Variants in ADAM22 observed in about 807,000 individuals in gnomAD.
ADAM22 encodes the protein disintegrin and metalloproteinase domain-containing protein 22.
Under a neutral mutation model 144.6 loss-of-function variants are expected in ADAM22, and 65 were observed. That is an observed-to-expected ratio of 0.45 (90% CI 0.37 to 0.55). The LOEUF is 0.55. Among genes scored for constraint, ADAM22 ranks in the 20% least tolerant of loss-of-function variants. The probability of loss-of-function intolerance (pLI) is 0.00; values close to 1 mark genes in which losing one functional copy is unlikely to be tolerated. For synonymous variants in ADAM22, 391 were observed against 412.6 expected (o/e 0.95, Z 0.63); for missense variants, 974 against 1,184.9 (o/e 0.82, Z 2.61).
intron 5 of ADAM22, among the ~76,000 whole-genome samples, chr7:88,110,289 G>A (rs1283081147): frequency 1.3e-5 from 2 of 152,148 alleles, no homozygotes; most frequent in Admixed American, 1.3e-4. Flanking sequence ...ATAGTACAGT[G>A]AGACCTGTTC....
At chr7:88,063,248 T>A (rs1400717846) in intron 3 of ADAM22, among the ~76,000 whole-genome samples, 1 of 152,140 alleles carries the variant, frequency 6.6e-6, no homozygotes, top group South Asian at 2.1e-4. Flanking sequence ...AGATAACTAC[T>A]GCATTTATGA....
chr7:88,124,555 T>G (rs1236083116), intron 7 of ADAM22, among the ~76,000 whole-genome samples: 1 of 151,968 alleles, frequency 6.6e-6, no homozygotes, highest in Non-Finnish European at 1.5e-5. Context: ...CTGGCAATCT[T>G]TGCCTTTTAG....
intron 3 of ADAM22, among the ~76,000 whole-genome samples, chr7:88,053,548 A>AAAAG (rs148612491): frequency 6.6e-6 from 1 of 150,506 alleles, no homozygotes; most frequent in Non-Finnish European, 1.5e-5. Flanking sequence ...GATAACTCAA[A>AAAAG]AAAGAAAGAA....
intron 2 of ADAM22, among the ~76,000 whole-genome samples, chr7:87,959,718 A>G (rs1847621427): frequency 6.6e-6 from 1 of 152,244 alleles, no homozygotes; most frequent in Non-Finnish European, 1.5e-5. Flanking sequence ...AAAATTTTAT[A>G]GATGGTAGCA....
At chr7:88,077,283 A>C (rs193038683) in intron 4 of ADAM22, among the ~76,000 whole-genome samples, 1 of 152,222 alleles carries the variant, frequency 6.6e-6, no homozygotes, top group Non-Finnish European at 1.5e-5. Context: ...CATTACATAT[A>C]TATGTAAACT....
At chr7:88,001,931 C>G (rs1392558049) in intron 3 of ADAM22, among the ~76,000 whole-genome samples, 1 of 151,870 alleles carries the variant, frequency 6.6e-6, no homozygotes, top group Non-Finnish European at 1.5e-5. Flanking sequence ...AGTTACATAA[C>G]CATGGCCATG....
chr7:88,142,107 C>T (rs534776463), intron 14 of ADAM22, among the ~76,000 whole-genome samples: 23 of 152,000 alleles, frequency 1.5e-4, no homozygotes, highest in Admixed American at 7.9e-4. Flanking sequence ...ACTTTTTGTC[C>T]GGTGGATCAT....
At chr7:88,085,915 G>A (rs1400601417) in intron 4 of ADAM22, among the ~76,000 whole-genome samples, 3 of 152,166 alleles carry the variant, frequency 2.0e-5, no homozygotes, top group Non-Finnish European at 2.9e-5. Flanking sequence ...AGTGGCTCAC[G>A]CCTGTAATTC....
intron 30 of ADAM22, among the ~76,000 whole-genome samples, chr7:88,189,348 T>C (rs1319246150): frequency 2.0e-5 from 3 of 152,332 alleles, no homozygotes; most frequent in Non-Finnish European, 4.4e-5. Context: ...TCCACTTCCA[T>C]GATTCTATGG....
intron 2 of ADAM22, among the ~76,000 whole-genome samples, chr7:87,963,547 T>A (rs933187057): frequency 2.0e-5 from 3 of 152,200 alleles, no homozygotes; most frequent in African/African-American, 4.8e-5. Flanking sequence ...TAACCCAGCA[T>A]GTCAAATGTA....
intron 20 of ADAM22, 33 bp from the exon 21 acceptor site, chr7:88,153,188 C>G (rs775662093): frequency 2.0e-6 from 3 of 1,509,380 alleles, no homozygotes; most frequent in Non-Finnish European, 2.7e-6. Flanking sequence ...AATCGTACTT[C>G]CCTCACTGAT....
At chr7:88,166,496 T>C (rs1010393127) in intron 24 of ADAM22, among the ~76,000 whole-genome samples, 13 of 152,040 alleles carry the variant, frequency 8.6e-5, no homozygotes, top group Non-Finnish European at 1.9e-4. Flanking sequence ...AATGGGGGTA[T>C]AGAAATCAAA....
At chr7:88,057,015 C>T (rs561320139) in intron 3 of ADAM22, among the ~76,000 whole-genome samples, 1 of 152,220 alleles carries the variant, frequency 6.6e-6, no homozygotes, top group South Asian at 2.1e-4. Context: ...AAGTTATTAC[C>T]CTAGGAGGAC....
intron 4 of ADAM22, among the ~76,000 whole-genome samples, chr7:88,081,348 A>G (rs1265265955): frequency 1.3e-5 from 2 of 152,192 alleles, no homozygotes; most frequent in African/African-American, 4.8e-5. Context: ...TCTCAAAATA[A>G]TAAGAGCTAT....
intron 2 of ADAM22, among the ~76,000 whole-genome samples, chr7:87,972,699 A>G (rs1388204321): frequency 6.6e-6 from 1 of 152,256 alleles, no homozygotes; most frequent in Non-Finnish European, 1.5e-5. Flanking sequence ...ACAAAGCTAC[A>G]GTAACCAAAA....
intron 24 of ADAM22, among the ~76,000 whole-genome samples, chr7:88,166,931 A>G (rs1457884487): frequency 6.6e-6 from 1 of 152,150 alleles, no homozygotes; most frequent in Non-Finnish European, 1.5e-5. Flanking sequence ...CAGACATGCT[A>G]GGTCTTGAAG....
intron 4 of ADAM22, among the ~76,000 whole-genome samples, chr7:88,099,864 C>T (rs1185546349): frequency 6.6e-6 from 1 of 151,922 alleles, no homozygotes; most frequent in Non-Finnish European, 1.5e-5. Flanking sequence ...TCTATTTTGC[C>T]ATATATGAAA....
intron 2 of ADAM22, among the ~76,000 whole-genome samples, chr7:87,952,886 G>A (rs1845628060): frequency 6.6e-6 from 1 of 152,134 alleles, no homozygotes; most frequent in African/African-American, 2.4e-5. Flanking sequence ...TGTATGTGTT[G>A]AGGAATTTAT....
chr7:87,935,120 C>T lies in ADAM22; in HGVS notation c.180C>T (p.Gly60=), dbSNP rs559595872. The part of the protein sequence containing the change: ...IVPLRLIYRS[G]GEDESRHDAL... ...CACTGCGCCTCATCTACCGCTCGGGCGGCGAAGACGAAAGTCGGCACGACG... is the reference window on the plus strand; with the variant it reads ...CACTGCGCCTCATCTACCGCTCGGGTGGCGAAGACGAAAGTCGGCACGACG... The change falls in exon 2 of 32, where the codon GGC becomes GGT. Residue 60 remains glycine, a synonymous_variant. Transcript: ENST00000413139. The T allele has an allele frequency of 5.6e-6, 9 of 1,613,592 alleles. No individual in the cohort carries two copies. Among genetic ancestry groups the T allele is most frequent in the Admixed American group, 1.7e-5 (1 of 59,966 alleles).
Sources: allele counts gnomAD v4.1 joint callset (sites outside exome capture counted in the v4.1 genomes callset), GRCh38; gene constraint gnomAD v4.1.1; transcripts MANE v1.5; gene names NCBI Gene and HGNC (gene_info 2026-07-23, HGNC 2026-07-21).